Variants in RCC2 observed in about 807,000 individuals in gnomAD.
RCC2 encodes the protein protein RCC2.
In RCC2, 19 loss-of-function variants were observed where a neutral mutation model predicts 64.1. The observed-to-expected ratio is 0.30, with a 90% CI of 0.21 to 0.44. The LOEUF (loss-of-function observed/expected upper bound fraction) is 0.44. RCC2 is among the 20% of genes least tolerant of loss of function. The probability of loss-of-function intolerance (pLI) is 1.00; values close to 1 mark genes in which losing one functional copy is unlikely to be tolerated. For synonymous variants in RCC2, 325 were observed against 279.6 expected, an observed-to-expected ratio of 1.16 and a Z score of -1.62; for missense variants, 508 against 710.4, an observed-to-expected ratio of 0.72 and a Z score of 3.24.
rs112841108 is a variant in RCC2 at position 17,422,184 on chromosome 1, G to A, written c.744+19C>T. ...AAGAGAAACAAAAAGCCATGGAGCC[G>A]GAGCTGAGGAGGGGTCACCTGCGCG... On this transcript the variant is annotated intron_variant, in intron 6 of 12. Coordinates refer to ENST00000375436, the MANE Select transcript of RCC2 (RefSeq NM_018715.4). 9,273 of 1,556,484 alleles carry A rather than the reference G, an allele frequency of 6.0e-3. 34 individuals carry two copies. Among genetic ancestry groups the A allele is most frequent in the Non-Finnish European group, 7.3e-3 (8,350 of 1,140,504 alleles).
intron 7 of RCC2, among the ~76,000 whole-genome samples, chr1:17,417,447 C>T (rs554618098): frequency 1.3e-5 from 2 of 152,220 alleles, no homozygotes; most frequent in Non-Finnish European, 2.9e-5. Context: ...GTGGGTGGAT[C>T]ACCTGAAGTG....
chr1:17,421,642 C>T (rs919226396), intron 6 of RCC2, among the ~76,000 whole-genome samples: 1 of 152,062 alleles, frequency 6.6e-6, no homozygotes, highest in Non-Finnish European at 1.5e-5. Context: ...AACAGGCTTA[C>T]GACAAGGCAT....
intron 10 of RCC2, among the ~76,000 whole-genome samples, chr1:17,412,448 T>C (rs2075437542): frequency 6.6e-6 from 1 of 152,188 alleles, no homozygotes; most frequent in Admixed American, 6.5e-5. Context: ...TTGCTGTGCA[T>C]CCTGCACAGC....
chr1:17,422,433 C>T, intron 5 of RCC2, 142 bp from the exon 6 acceptor site: 1 of 794,190 alleles, frequency 1.3e-6, no homozygotes, highest in Non-Finnish European at 2.0e-6. Context: ...GCTGGCAGTG[C>T]AGACGCTTCA....
intron 3 of RCC2, 53 bp downstream of exon 3, chr1:17,429,053 G>T: frequency 7.1e-7 from 1 of 1,399,190 alleles, no homozygotes; most frequent in Non-Finnish European, 1.0e-6. Flanking sequence ...GTGGTCAACA[G>T]AACCTAGCAC....
Position 17,438,373 on chromosome 1 carries a change from C to T in RCC2, c.142G>A (p.Gly48Ser). 1 of 1,245,934 alleles carries T rather than the reference C, an allele frequency of 8.0e-7. No individual in the cohort carries two copies. The highest frequency in any genetic ancestry group is 3.4e-5 in the South Asian group (1 of 29,414). 77.2% of individuals were successfully genotyped at this position (1,245,934 alleles called of 1,614,324 possible). ...RPERCSSSSGGGSSGDEDGLE... is the reference protein window; with the variant it reads ...RPERCSSSSGSGSSGDEDGLE... Reference sequence around the variant, plus strand: ...CCGTCCTCGTCGCCGCTGCTGCCGCCGCCGCTGCTGCTACTGCAGCGCTCG... The same window carrying T: ...CCGTCCTCGTCGCCGCTGCTGCCGCTGCCGCTGCTGCTACTGCAGCGCTCG... Residue 48 changes from glycine to serine, a missense_variant, in exon 2 of 13, where the codon GGC becomes AGC. By Grantham distance (56) the Gly-to-Ser change is moderately conservative. This residue lies in a region of RCC2 where 195 missense variants were observed against 158.3 expected (regional missense o/e 1.23). Transcript: ENST00000375436.
At chr1:17,433,780 AC>A (rs1206679837) in intron 2 of RCC2, among the ~76,000 whole-genome samples, 1 of 152,190 alleles carries the variant, frequency 6.6e-6, no homozygotes, top group Admixed American at 6.5e-5. Context: ...GTGCGCGTTT[AC>A]GGGGCCCAGA....
chr1:17,409,952 T>C (rs2075407030), intron 12 of RCC2, 22 bp downstream of exon 12: 1 of 1,606,922 alleles, frequency 6.2e-7, no homozygotes, highest in Non-Finnish European at 8.5e-7. Flanking sequence ...GTCCCCGAGC[T>C]GGCACAGCTG....
rs41310395 is a variant in RCC2 at position 17,412,057 on chromosome 1, C to A, written c.1386+65G>T. 839 of 1,441,606 alleles carry A rather than the reference C, an allele frequency of 5.8e-4. 1 individual carries two copies. The highest frequency in any genetic ancestry group is 7.9e-4 in the Non-Finnish European group (813 of 1,025,748). 89.3% of individuals were successfully genotyped at this position (1,441,606 alleles called of 1,614,324 possible). A position where few individuals can be genotyped will look rare whatever the true frequency, so the allele number is the denominator to read the frequency against. ...TGTTTTGGGAGACAGGTGGAGAGAA[C>A]CCAAAGGCCATGAGCCACCCTGACT... On this transcript the variant is annotated intron_variant, in intron 11 of 12. Transcript: ENST00000375436.
At chr1:17,434,751 T>A (rs768050147) in intron 2 of RCC2, among the ~76,000 whole-genome samples, 5 of 152,214 alleles carry the variant, frequency 3.3e-5, no homozygotes, top group Non-Finnish European at 5.9e-5. Flanking sequence ...CCAGCCGGTG[T>A]GTGCTGCAGA....
At chr1:17,427,254 G>A (rs1009422571) in intron 3 of RCC2, among the ~76,000 whole-genome samples, 6 of 152,232 alleles carry the variant, frequency 3.9e-5, no homozygotes, top group African/African-American at 1.4e-4. Flanking sequence ...CCCACCCTCC[G>A]CCCTCAGCAG....
intron 4 of RCC2, among the ~76,000 whole-genome samples, chr1:17,423,482 G>A (rs1249619152): frequency 6.6e-6 from 1 of 152,252 alleles, no homozygotes; most frequent in Non-Finnish European, 1.5e-5. Context: ...GACTGCTGCA[G>A]GTGCGACCAA....
At chr1:17,412,003 G>C (rs1416166105) in intron 11 of RCC2, 119 bp downstream of exon 11, 6 of 856,858 alleles carry the variant, frequency 7.0e-6, no homozygotes, top group East Asian at 2.5e-5. Flanking sequence ...ATACAATAAG[G>C]GGGGAATCCC....
At chr1:17,423,692 G>A (rs565521558) in intron 4 of RCC2, among the ~76,000 whole-genome samples, 2 of 152,368 alleles carry the variant, frequency 1.3e-5, no homozygotes, top group South Asian at 2.1e-4. Flanking sequence ...GGCCACTCTC[G>A]GATCCCTCCC....
At chr1:17,428,646 C>G (rs1462122156) in intron 3 of RCC2, among the ~76,000 whole-genome samples, 1 of 152,170 alleles carries the variant, frequency 6.6e-6, no homozygotes, top group Admixed American at 6.5e-5. Flanking sequence ...TGCTTTCCCC[C>G]GCTCCAGACT....
intron 8 of RCC2, 23 bp downstream of exon 8, chr1:17,416,457 A>C (rs370896409): frequency 6.3e-7 from 1 of 1,596,100 alleles, no homozygotes; most frequent in South Asian, 1.1e-5. Context: ...GACTCTCAGG[A>C]AGTGAGAAAA....
chr1:17,417,733 C>T lies in RCC2; in HGVS notation c.860-1087G>A, dbSNP rs371677477. 1.3e-3 allele frequency among the ~76,000 whole-genome samples: 195 copies of T among 152,112 alleles called. 1 individual carries two copies. Among genetic ancestry groups the T allele is most frequent in the South Asian group, 7.5e-3 (36 of 4,816 alleles). ...GTTGTTATCAGTTTGTAAACTAGCC[C>T]CCGGCTTGTGGCTAATCCCCCTCCA... On this transcript the variant is annotated intron_variant, in intron 7 of 12. Transcript: ENST00000375436.
intron 2 of RCC2, among the ~76,000 whole-genome samples, chr1:17,431,353 A>T (rs1397858271): frequency 8.3e-5 from 4 of 47,938 alleles, no homozygotes; most frequent in African/African-American, 3.5e-4. Flanking sequence ...AAAAAAAAAA[A>T]AAAAAAATAT....
intron 10 of RCC2, among the ~76,000 whole-genome samples, chr1:17,412,642 C>T (rs2075439823): frequency 6.6e-6 from 1 of 152,204 alleles, no homozygotes; most frequent in Non-Finnish European, 1.5e-5. Flanking sequence ...CTGATAAATC[C>T]AACTCCTCAG....
Sources: gnomAD v4.1 joint callset for allele counts (sites outside exome capture counted in the v4.1 genomes callset) on GRCh38, gnomAD v4.1.1 for gene constraint, gnomAD v4.1.1 regional missense constraint, MANE v1.5 for transcripts, NCBI Gene and HGNC (gene_info 2026-07-23, HGNC 2026-07-21) for gene names.